The following HAUS8 variants were observed in gnomAD, a reference collection of about 807,000 sequenced individuals.
The protein encoded by HAUS8 is HAUS augmin-like complex subunit 8.
Under a neutral mutation model 42.9 loss-of-function variants are expected in HAUS8, and 38 were observed. The ratio of observed to expected loss-of-function variants is 0.89; its 90% CI spans 0.68 to 1.16. HAUS8 has a LOEUF of 1.16. HAUS8 is among the 50% of genes most tolerant of loss of function. The pLI, the probability that HAUS8 is intolerant of heterozygous loss-of-function variation, is 0.00. For synonymous variants in HAUS8, 199 were observed against 205.8 expected (o/e 0.97, Z 0.28); for missense variants, 494 against 511.6 (o/e 0.97, Z 0.33).
At chr19:17,073,442 CT>C in intron 1 of HAUS8, 107 bp from the exon 2 acceptor site, 1 of 1,012,304 alleles carries the variant, frequency 9.9e-7, no homozygotes, top group Non-Finnish European at 1.6e-6. Flanking sequence ...AGTCCAAGGG[CT>C]GCCAGAGGAC....
At chr19:17,059,278 C>T (rs1478696476) in intron 6 of HAUS8, among the ~76,000 whole-genome samples, 1 of 152,260 alleles carries the variant, frequency 6.6e-6, no homozygotes. Context: ...GGGACAGGGC[C>T]TGGCATTGTG....
intron 3 of HAUS8, among the ~76,000 whole-genome samples, chr19:17,063,775 G>C (rs1032334921): frequency 2.6e-5 from 4 of 152,052 alleles, no homozygotes; most frequent in South Asian, 4.1e-4. Context: ...TTGCCTGGTT[G>C]AGCTGAGACA....
intron 1 of HAUS8, chr19:17,075,158 T>C (rs1369518650): frequency 1.8e-6 from 1 of 550,268 alleles, no homozygotes; most frequent in Non-Finnish European, 3.3e-6. Flanking sequence ...GTCAGGCCGC[T>C]TGCCGGAGGT....
intron 8 of HAUS8, 47 bp from the exon 9 acceptor site, chr19:17,056,049 T>C (rs2057324313): frequency 6.3e-7 from 1 of 1,594,788 alleles, no homozygotes; most frequent in African/African-American, 1.3e-5. Context: ...GTCCCCTCTC[T>C]GGAAACTTAA....
At chr19:17,062,881 G>C in intron 3 of HAUS8, 102 bp from the exon 4 acceptor site, 1 of 823,478 alleles carries the variant, frequency 1.2e-6, no homozygotes, top group Non-Finnish European at 2.1e-6. Context: ...CTCTTACTTT[G>C]AGGCAGGGGA....
intron 8 of HAUS8, 110 bp downstream of exon 8, chr19:17,058,439 T>G: frequency 9.0e-7 from 1 of 1,107,432 alleles, no homozygotes; most frequent in South Asian, 1.6e-5. Flanking sequence ...CCCAACACAG[T>G]TAGAAGCCAG....
At position 17,073,394 on chromosome 19, in the gene HAUS8, C is replaced by T. The variant is rs371730771; in HGVS notation, c.30-59G>A. On this transcript the variant is annotated intron_variant, in intron 1 of 10. Transcript: ENST00000253669. Reference sequence around the variant, plus strand: ...CACTACCCAAGAAGCACAGGGAAGCCGGCGAGGTGCCTCTGCTAGTTGAAG... The same window carrying T: ...CACTACCCAAGAAGCACAGGGAAGCTGGCGAGGTGCCTCTGCTAGTTGAAG... 618 of 1,497,606 alleles carry T rather than the reference C, an allele frequency of 4.1e-4. 11 individuals are homozygous for T. The South Asian group carries it at 6.5e-3, about 16-fold the overall frequency. The allele number at this position is 1,497,606 out of a possible 1,614,324, so 92.8% of individuals were successfully genotyped here. A position where few individuals can be genotyped will look rare whatever the true frequency, so the allele number is the denominator to read the frequency against.
chr19:17,068,096 ATTCTT>A (rs2057398196), intron 3 of HAUS8, among the ~76,000 whole-genome samples: 2 of 104,870 alleles, frequency 1.9e-5, no homozygotes, highest in African/African-American at 7.2e-5. Context: ...TTTTTATTTT[ATTCTT>A]TTTTTTTTTT....
chr19:17,063,745 T>C (rs2057373731), intron 3 of HAUS8, among the ~76,000 whole-genome samples: 1 of 152,154 alleles, frequency 6.6e-6, no homozygotes. Flanking sequence ...GAGGAGAAAT[T>C]CATACCTTTT....
chr19:17,050,466 T>G (rs1028623162), intron 10 of HAUS8, among the ~76,000 whole-genome samples: 1 of 152,096 alleles, frequency 6.6e-6, no homozygotes, highest in Non-Finnish European at 1.5e-5. Context: ...CATTAAAAAT[T>G]AATCCCCTGG....
At chr19:17,069,223 C>T (rs2305753) in intron 2 of HAUS8, 137 bp from the exon 3 acceptor site, 117,532 of 732,580 alleles carry the variant, frequency 0.16, 10,369 homozygotes, top group Non-Finnish European at 0.19. Context: ...GTCACCACTC[C>T]TCCTGCTCGC....
At chr19:17,052,681 G>A (rs2057294786) in intron 10 of HAUS8, 144 bp downstream of exon 10, 1 of 788,112 alleles carries the variant, frequency 1.3e-6, no homozygotes, top group Non-Finnish European at 2.1e-6. Flanking sequence ...GTATCATGCA[G>A]CGTCTGGGAA....
chr19:17,070,554 C>A (rs1358223297), intron 2 of HAUS8, among the ~76,000 whole-genome samples: 1 of 152,202 alleles, frequency 6.6e-6, no homozygotes, highest in Non-Finnish European at 1.5e-5. Flanking sequence ...CAGGCACCTC[C>A]CTCTCTCAAG....
chr19:17,052,250 G>A (rs980795618), intron 10 of HAUS8: 1 of 152,002 alleles, frequency 6.6e-6, no homozygotes, highest in Non-Finnish European at 1.5e-5. Flanking sequence ...TGACAGGCGT[G>A]AGCCACTGCG....
intron 4 of HAUS8, among the ~76,000 whole-genome samples, chr19:17,060,480 C>T (rs886657587): frequency 6.6e-5 from 10 of 152,204 alleles, no homozygotes; most frequent in African/African-American, 2.2e-4. Context: ...GCAATCTCGG[C>T]TCACTGCAAC....
chr19:17,050,057 T>C lies in HAUS8; in HGVS notation c.1049A>G (p.Gln350Arg), dbSNP rs745595084. The C allele has an allele frequency of 1.1e-5, 18 of 1,605,866 alleles. No homozygotes were observed. The highest frequency in any genetic ancestry group is 1.0e-4 in the South Asian group (9 of 89,948). The change falls in exon 11 of 11, where the codon CAA becomes CGA. Residue 350 changes from glutamine (Q) to arginine (R), a missense_variant. By Grantham distance (43) the Gln-to-Arg change is conservative. Coordinates refer to ENST00000253669, the MANE Select transcript of HAUS8 (RefSeq NM_033417.2). ...MAPPSRWYFN[Q>R]DSACRESGGA... is the part of the protein sequence containing the mutation. Reference sequence around the variant, plus strand: ...CCCAGATTCTCTGCAGGCACTGTCTTGATTGAAATACCACCGGCTGGGGGG... The same window carrying C: ...CCCAGATTCTCTGCAGGCACTGTCTCGATTGAAATACCACCGGCTGGGGGG...
At chr19:17,061,429 AC>A (rs1176149274) in intron 4 of HAUS8, among the ~76,000 whole-genome samples, 1 of 152,080 alleles carries the variant, frequency 6.6e-6, no homozygotes, top group East Asian at 1.9e-4. Context: ...GAGCCACCAC[AC>A]CCAGCTAGAG....
Position 17,061,148 on chromosome 19 carries a change from T to C in HAUS8, c.230-1056A>G, listed in dbSNP as rs201493698. Reference sequence around the variant, plus strand: ...TGGAAATTTTCTTTTTTTTTTTTTTTGAGACAGGGTCTTGCTCTGTCACCC... The same window carrying C: ...TGGAAATTTTCTTTTTTTTTTTTTTCGAGACAGGGTCTTGCTCTGTCACCC... On this transcript the variant is annotated intron_variant, in intron 4 of 10. Transcript: ENST00000253669. Among the ~76,000 whole-genome samples, 9 of 127,494 alleles carry C rather than the reference T, an allele frequency of 7.1e-5. No homozygotes were observed. The East Asian group carries it at 1.6e-3, about 22-fold the overall frequency. The allele number at this position is 127,494 out of a possible 152,430, so 83.6% of individuals were successfully genotyped here.
chr19:17,055,132 AAAAAAAAAAAAATATATAT>A (rs2057313040), intron 9 of HAUS8: 1 of 37,184 alleles, frequency 2.7e-5, no homozygotes, highest in Non-Finnish European at 4.6e-5. Flanking sequence ...AAAAAAAAAA[AAAAAAAAAAAAATATATAT>A]ATATATATAT....
Sources: allele counts gnomAD v4.1 joint callset (sites outside exome capture counted in the v4.1 genomes callset), GRCh38; gene constraint gnomAD v4.1.1; transcripts MANE v1.5; gene names NCBI Gene and HGNC (gene_info 2026-07-23, HGNC 2026-07-21).